Variants in TBC1D14 observed in about 807,000 individuals in gnomAD.
TBC1D14 encodes the protein TBC1 domain family member 14.
TBC1D14 carries 26 observed loss-of-function variants against 79.0 expected under a neutral mutation model. That is an observed-to-expected ratio of 0.33 (90% CI 0.24 to 0.46). TBC1D14 has a LOEUF of 0.46. TBC1D14 is among the 20% of genes least tolerant of loss of function. The probability of loss-of-function intolerance (pLI) is 1.00; values close to 1 mark genes in which losing one functional copy is unlikely to be tolerated. For missense variants in TBC1D14, 769 were observed against 887.6 expected (o/e 0.87, Z 1.70); for synonymous variants, 394 against 349.9 (o/e 1.13, Z -1.40).
intron 2 of TBC1D14, among the ~76,000 whole-genome samples, chr4:6,956,282 G>C (rs1209489537): frequency 6.6e-6 from 1 of 152,242 alleles, no homozygotes; most frequent in Non-Finnish European, 1.5e-5. Flanking sequence ...GTGTGGCGGA[G>C]TGGAGGGATT....
chr4:6,990,188 G>A (rs939560375), intron 3 of TBC1D14, among the ~76,000 whole-genome samples: 2 of 152,178 alleles, frequency 1.3e-5, no homozygotes, highest in Non-Finnish European at 2.9e-5. Flanking sequence ...AGTGGCTCAC[G>A]CCTGTAATCC....
intron 3 of TBC1D14, among the ~76,000 whole-genome samples, chr4:6,981,942 C>A (rs1717411749): frequency 6.6e-6 from 1 of 152,168 alleles, no homozygotes; most frequent in South Asian, 2.1e-4. Flanking sequence ...GAAGGCCTTC[C>A]CCTAACATTG....
intron 11 of TBC1D14, 94 bp downstream of exon 11, chr4:7,010,875 A>T: frequency 7.0e-7 from 1 of 1,429,332 alleles, no homozygotes; most frequent in African/African-American, 1.4e-5. Context: ...AAAAGAATAC[A>T]TTTTCTCTCT....
At chr4:6,935,771 G>C (rs929204738) in intron 2 of TBC1D14, among the ~76,000 whole-genome samples, 2 of 151,912 alleles carry the variant, frequency 1.3e-5, no homozygotes, top group African/African-American at 4.8e-5. Context: ...AGCCTCCTGA[G>C]TAGCTGGGAT....
chr4:6,927,295 T>C (rs4689561), intron 2 of TBC1D14, among the ~76,000 whole-genome samples: 143,946 of 151,776 alleles, frequency 0.95, 68,726 homozygotes, highest in Middle Eastern at 1. Context: ...TTACTGTGGG[T>C]GGGGAGGGGG....
intron 3 of TBC1D14, among the ~76,000 whole-genome samples, chr4:6,981,464 T>C (rs1560305317): frequency 6.6e-6 from 1 of 152,336 alleles, no homozygotes; most frequent in East Asian, 1.9e-4. Flanking sequence ...TGATGAATCC[T>C]ACTGAACATT....
At chr4:6,911,432 T>C (rs1038816632) in intron 1 of TBC1D14, among the ~76,000 whole-genome samples, 2 of 152,228 alleles carry the variant, frequency 1.3e-5, no homozygotes, top group Admixed American at 1.3e-4. Flanking sequence ...TCTGCTCACC[T>C]CGGTATCCTC....
At chr4:6,996,298 G>C in intron 4 of TBC1D14, 27 bp from the exon 5 acceptor site, 11 of 1,594,010 alleles carry the variant, frequency 6.9e-6, no homozygotes, top group Non-Finnish European at 9.5e-6. Context: ...ATTTATAATG[G>C]TGAAAACTCA....
At chr4:7,017,535 C>G (rs6446561) in intron 12 of TBC1D14, among the ~76,000 whole-genome samples, 67,053 of 152,114 alleles carry the variant, frequency 0.44, 15,243 homozygotes, top group East Asian at 0.6. Context: ...AGTGTAGAAC[C>G]TGGGTTGGAC....
intron 3 of TBC1D14, among the ~76,000 whole-genome samples, chr4:6,980,545 C>T (rs1717270854): frequency 6.6e-6 from 1 of 151,834 alleles, no homozygotes; most frequent in Non-Finnish European, 1.5e-5. Context: ...GATATCCGTA[C>T]AATTAAAAAC....
intron 2 of TBC1D14, among the ~76,000 whole-genome samples, chr4:6,964,350 C>T (rs778693938): frequency 1.3e-5 from 2 of 152,202 alleles, no homozygotes; most frequent in African/African-American, 2.4e-5. Context: ...CCATTCCTTA[C>T]ACCCTCTGCA....
intron 3 of TBC1D14, among the ~76,000 whole-genome samples, chr4:6,992,234 A>G (rs544722863): frequency 2.0e-4 from 31 of 152,330 alleles, no homozygotes; most frequent in Non-Finnish European, 4.1e-4. Flanking sequence ...TGGTTGGTGG[A>G]TCTGAATTTG....
intron 6 of TBC1D14, among the ~76,000 whole-genome samples, chr4:6,999,617 C>T (rs931299265): frequency 1.3e-5 from 2 of 152,114 alleles, no homozygotes; most frequent in Non-Finnish European, 2.9e-5. Flanking sequence ...GGGAGCCCCC[C>T]ATAGGTGTTG....
In TBC1D14 at chr4:6,988,716, T is replaced by C. The variant is rs372680585; in HGVS notation, c.844-5468T>C. Among the ~76,000 whole-genome samples the C allele has an allele frequency of 1.1e-4, 17 of 152,270 alleles. No homozygotes were observed. The East Asian group carries it at 1.5e-3, about 14-fold the overall frequency. ...TGACCCTTTCCTCTTCTAGGTAAAA[T>C]AGATTTCCAGGGAGCCAGAGGCTCC... is the stretch of plus-strand genomic sequence containing the variant. On this transcript the variant is annotated intron_variant, in intron 3 of 13. Coordinates refer to ENST00000409757, the MANE Select transcript of TBC1D14 (RefSeq NM_020773.3).
intron 12 of TBC1D14, among the ~76,000 whole-genome samples, chr4:7,015,509 G>T (rs1488954346): frequency 6.6e-6 from 1 of 152,172 alleles, no homozygotes; most frequent in African/African-American, 2.4e-5. Flanking sequence ...TCCTGAGACA[G>T]ATACAAGGAT....
rs2108774321 is a variant in TBC1D14 at position 7,032,858 on chromosome 4, A to AG, written c.*2467dup. ...GACCTTTGTCCAGCCTGCACAGTAG[A>AG]GTGAGGCTGCCTCTCCCGCCAGGCA... On this transcript the variant is annotated 3_prime_UTR_variant, in exon 14 of 14. Coordinates refer to ENST00000409757, the MANE Select transcript of TBC1D14 (RefSeq NM_020773.3). 6.6e-6 allele frequency: 1 copy of AG among 152,422 alleles called. No homozygotes were observed. The highest frequency in any genetic ancestry group is 1.9e-4 in the East Asian group (1 of 5,184). 9.4% of individuals were successfully genotyped at this position (152,422 alleles called of 1,614,324 possible).
chr4:7,007,512 G>T (rs769976729), intron 9 of TBC1D14: 9 of 1,288,018 alleles, frequency 7.0e-6, no homozygotes, highest in Non-Finnish European at 9.1e-6. Context: ...TGTTCTCACT[G>T]CCTTTACTCA....
intron 3 of TBC1D14, among the ~76,000 whole-genome samples, chr4:6,988,932 C>T (rs901398579): frequency 8.0e-6 from 1 of 125,526 alleles, no homozygotes; most frequent in Non-Finnish European, 1.6e-5. Flanking sequence ...GTCCTGTTGC[C>T]CTGGTGCGGT....
At chr4:6,912,559 G>A (rs1033610840) in intron 1 of TBC1D14, among the ~76,000 whole-genome samples, 4 of 152,172 alleles carry the variant, frequency 2.6e-5, no homozygotes, top group Non-Finnish European at 4.4e-5. Context: ...TCACACGGCA[G>A]GTGTGAGGAG....
Sources: allele counts gnomAD v4.1 joint callset (sites outside exome capture counted in the v4.1 genomes callset), GRCh38; gene constraint gnomAD v4.1.1; transcripts MANE v1.5; gene names NCBI Gene and HGNC (gene_info 2026-07-23, HGNC 2026-07-21).